Variants in TRIM37 observed in about 807,000 individuals in gnomAD.
TRIM37 encodes E3 ubiquitin-protein ligase TRIM37.
In TRIM37, 80 loss-of-function variants were observed where a neutral mutation model predicts 129.8. The ratio of observed to expected loss-of-function variants is 0.62; its 90% CI spans 0.51 to 0.74. The LOEUF is 0.74. Among genes scored for constraint, TRIM37 ranks in the 30% least tolerant of loss-of-function variants. The probability of loss-of-function intolerance (pLI) is 0.00; values close to 1 mark genes in which losing one functional copy is unlikely to be tolerated. For missense variants in TRIM37, 1,054 were observed against 1,176.5 expected, an observed-to-expected ratio of 0.90 and a Z score of 1.52; for synonymous variants, 389 against 387.1, an observed-to-expected ratio of 1.00 and a Z score of -0.06.
chr17:59,076,931 G>A (rs866276873), intron 7 of TRIM37, among the ~76,000 whole-genome samples: 1 of 152,084 alleles, frequency 6.6e-6, no homozygotes, highest in African/African-American at 2.4e-5. Flanking sequence ...TGAGATTACA[G>A]GCATGTGCCA....
chr17:59,035,349 C>T (rs906990849), intron 17 of TRIM37, among the ~76,000 whole-genome samples: 1 of 152,110 alleles, frequency 6.6e-6, no homozygotes, highest in African/African-American at 2.4e-5. Context: ...ACATGAGCCA[C>T]TGCCTCATTT....
rs2046012215 is a variant in TRIM37, at chr17:59,106,472, T to C, written c.-11A>G. On this transcript the variant is annotated 5_prime_UTR_variant, in exon 1 of 24. Coordinates refer to ENST00000262294, the MANE Select transcript of TRIM37 (RefSeq NM_015294.6). ...GCTCTGTTCATCCATTGCCTCCGGC[T>C]CTCGGCGGGGCCGCTGGCGACCCGC... is the stretch of plus-strand genomic sequence containing the variant. 1.9e-6 allele frequency: 3 copies of C among 1,613,788 alleles called. No individual in the cohort carries two copies. Among genetic ancestry groups the C allele is most frequent in the Non-Finnish European group, 2.5e-6 (3 of 1,179,896 alleles).
intron 22 of TRIM37, among the ~76,000 whole-genome samples, chr17:59,005,903 T>A (rs1286496691): frequency 6.6e-6 from 1 of 152,242 alleles, no homozygotes; most frequent in Non-Finnish European, 1.5e-5. Flanking sequence ...TAATGAGGAC[T>A]GATTTGTAAT....
At chr17:59,031,781 G>A in intron 18 of TRIM37, 115 bp downstream of exon 18, 1 of 1,065,282 alleles carries the variant, frequency 9.4e-7, no homozygotes, top group South Asian at 1.5e-5. Flanking sequence ...GGTATACAAT[G>A]AAAAACACAG....
At chr17:59,072,782 T>C (rs1262489606) in intron 8 of TRIM37, among the ~76,000 whole-genome samples, 1 of 151,478 alleles carries the variant, frequency 6.6e-6, no homozygotes. Flanking sequence ...TCATATGATA[T>C]ATATCAAAGT....
At chr17:58,967,515 T>TAG in the TRIM37 span, among the ~76,000 whole-genome samples, 92 of 149,108 alleles carry the variant, frequency 6.2e-4, 3 homozygotes, top group East Asian at 0.015. Flanking sequence ...TATATATATA[T>TAG]ATATAGAGAG....
At chr17:59,097,546 C>A (rs2045019507) in intron 2 of TRIM37, among the ~76,000 whole-genome samples, 1 of 151,450 alleles carries the variant, frequency 6.6e-6, no homozygotes, top group African/African-American at 2.4e-5. Context: ...GAATAAAATG[C>A]TTAGGGAAAA....
At chr17:58,973,289 C>T in the TRIM37 span, among the ~76,000 whole-genome samples, 100 of 151,714 alleles carry the variant, frequency 6.6e-4, no homozygotes, top group South Asian at 1.3e-3. Flanking sequence ...TGGTGGCGGG[C>T]GCCTGTAATC....
At chr17:59,061,170 A>G in intron 11 of TRIM37, 62 bp from the exon 12 acceptor site, 7 of 1,228,756 alleles carry the variant, frequency 5.7e-6, no homozygotes, top group Non-Finnish European at 7.2e-6. Context: ...CAAAATGCAG[A>G]TAATATCTGA....
At chr17:58,982,829 G>C in exon 25 of TRIM37, 1 of 1,329,282 alleles carries the variant, frequency 7.5e-7, no homozygotes, top group Non-Finnish European at 1.1e-6. Flanking sequence ...CTGAGGCTTT[G>C]CCCCACACAT....
downstream of TRIM37, among the ~76,000 whole-genome samples, chr17:58,996,469 CAAA>C (rs776770215): frequency 6.3e-5 from 5 of 79,032 alleles, no homozygotes; most frequent in Non-Finnish European, 7.9e-5. Flanking sequence ...GAACCTGTCT[CAAA>C]AAAAAAAAAA....
rs1393264300 is a variant in TRIM37, at chr17:59,106,463, G to T, written c.-2C>A. 3.1e-6 allele frequency: 5 copies of T among 1,613,954 alleles called. No homozygotes were observed. The highest frequency in any genetic ancestry group is 1.3e-5 in the African/African-American group (1 of 74,916). Reference sequence around the variant, plus strand: ...CACCTCCACGCTCTGTTCATCCATTGCCTCCGGCTCTCGGCGGGGCCGCTG... The same window carrying T: ...CACCTCCACGCTCTGTTCATCCATTTCCTCCGGCTCTCGGCGGGGCCGCTG... On this transcript the variant is annotated 5_prime_UTR_variant, in exon 1 of 24. Coordinates refer to ENST00000262294, the MANE Select transcript of TRIM37 (RefSeq NM_015294.6).
the TRIM37 span, among the ~76,000 whole-genome samples, chr17:58,970,935 CT>C: frequency 6.6e-6 from 1 of 152,022 alleles, no homozygotes; most frequent in South Asian, 2.1e-4. Flanking sequence ...CTATTCTATT[CT>C]TTTTTTCCTC....
At chr17:59,055,685 CAAA>C (rs934273591) in intron 13 of TRIM37, among the ~76,000 whole-genome samples, 4 of 23,854 alleles carry the variant, frequency 1.7e-4, no homozygotes, top group Non-Finnish European at 3.6e-4. Context: ...GACTCCATCT[CAAA>C]AAAAAAAAAA....
chr17:58,973,294 G>A, the TRIM37 span, among the ~76,000 whole-genome samples: 8 of 151,836 alleles, frequency 5.3e-5, no homozygotes, highest in East Asian at 1.9e-4. Context: ...GCGGGCGCCT[G>A]TAATCCCAGC....
At chr17:59,033,745 A>T (rs1012789603) in intron 17 of TRIM37, among the ~76,000 whole-genome samples, 1 of 151,846 alleles carries the variant, frequency 6.6e-6, no homozygotes, top group African/African-American at 2.4e-5. Flanking sequence ...TCTTTTACTA[A>T]GGAATTCCCA....
At chr17:59,071,478 G>A (rs190082206) in intron 8 of TRIM37, among the ~76,000 whole-genome samples, 1 of 151,930 alleles carries the variant, frequency 6.6e-6, no homozygotes, top group Middle Eastern at 3.4e-3. Flanking sequence ...GTAGAGACAG[G>A]GTTTCTCCAT....
chr17:59,083,533 T>C (rs1205535718), intron 5 of TRIM37, among the ~76,000 whole-genome samples: 5 of 151,918 alleles, frequency 3.3e-5, no homozygotes, highest in Non-Finnish European at 5.9e-5. Context: ...GGCTCAATAA[T>C]GGTAGACTGT....
chr17:59,065,444 T>C (rs2041850273), intron 9 of TRIM37, among the ~76,000 whole-genome samples: 1 of 152,192 alleles, frequency 6.6e-6, no homozygotes, highest in Non-Finnish European at 1.5e-5. Context: ...TCTTGGCAAG[T>C]CAAAACTACT....
Sources: allele counts gnomAD v4.1 joint callset (sites outside exome capture counted in the v4.1 genomes callset), GRCh38; gene constraint gnomAD v4.1.1; transcripts MANE v1.5; gene names NCBI Gene and HGNC (gene_info 2026-07-23, HGNC 2026-07-21).